TBC1D14: variants seen among roughly 807,000 people sequenced by gnomAD.
TBC1D14 encodes TBC1 domain family, member 14.
TBC1D14 carries 26 observed loss-of-function variants against 79.0 expected under a neutral mutation model. The observed-to-expected ratio is 0.33, with a 90% confidence interval of 0.24 to 0.46. The LOEUF is 0.46. Among genes scored for constraint, TBC1D14 ranks in the 20% least tolerant of loss-of-function variants. The pLI is 1.00. For missense variants in TBC1D14, 769 were observed against 887.6 expected (o/e 0.87, Z 1.70); for synonymous variants, 394 against 349.9 (o/e 1.13, Z -1.40).
At chr4:7,005,463 A>G (rs1431241393) in intron 8 of TBC1D14, among the ~76,000 whole-genome samples, 1 of 152,212 alleles carries the variant, frequency 6.6e-6, no homozygotes, top group African/African-American at 2.4e-5. Context: ...TGAACCCGGG[A>G]GGTGGAGGTT....
intron 11 of TBC1D14, among the ~76,000 whole-genome samples, chr4:7,012,142 A>G (rs1266095235): frequency 6.6e-6 from 1 of 152,002 alleles, no homozygotes; most frequent in Non-Finnish European, 1.5e-5. Context: ...TCTACTAAAA[A>G]TACAAAATAA....
chr4:6,996,204 T>TA (rs1719027845), intron 4 of TBC1D14, 121 bp from the exon 5 acceptor site: 3 of 752,238 alleles, frequency 4.0e-6, no homozygotes, highest in Middle Eastern at 2.4e-4. Flanking sequence ...TGTGTAATCT[T>TA]AAAAAAATGA....
intron 3 of TBC1D14, among the ~76,000 whole-genome samples, chr4:6,970,264 G>T (rs1716105560): frequency 6.6e-6 from 1 of 152,206 alleles, no homozygotes; most frequent in South Asian, 2.1e-4. Context: ...ACCAGGGTTT[G>T]TATCCCAGCT....
At chr4:6,983,922 G>A (rs1489620746) in intron 3 of TBC1D14, among the ~76,000 whole-genome samples, 2 of 152,222 alleles carry the variant, frequency 1.3e-5, no homozygotes, top group African/African-American at 2.4e-5. Flanking sequence ...ATAAGTTTCC[G>A]TTAGTTGGAG....
intron 3 of TBC1D14, among the ~76,000 whole-genome samples, chr4:6,968,341 G>A (rs1715888674): frequency 1.3e-5 from 2 of 152,190 alleles, no homozygotes; most frequent in Admixed American, 1.3e-4. Flanking sequence ...GGTTAAAGGT[G>A]TGACAGGAAA....
chr4:6,919,697 T>C (rs10937764), intron 1 of TBC1D14, among the ~76,000 whole-genome samples: 132,922 of 152,028 alleles, frequency 0.87, 58,453 homozygotes, highest in East Asian at 0.96. Flanking sequence ...CTCGGCTCAC[T>C]GCAACCTCCG....
At chr4:6,980,625 C>CA (rs1300287269) in intron 3 of TBC1D14, among the ~76,000 whole-genome samples, 2 of 150,904 alleles carry the variant, frequency 1.3e-5, no homozygotes, top group Admixed American at 6.6e-5. Flanking sequence ...GCAAAACTGA[C>CA]AAAAAGAGAA....
chr4:6,947,586 C>T (rs947819805), intron 2 of TBC1D14, among the ~76,000 whole-genome samples: 14 of 148,588 alleles, frequency 9.4e-5, no homozygotes, highest in Admixed American at 4.8e-4. Flanking sequence ...CCCTTGAACC[C>T]GGGAGGCGGA....
intron 13 of TBC1D14, among the ~76,000 whole-genome samples, chr4:7,029,705 T>G (rs4689580): frequency 1 from 152,208 of 152,338 alleles, 76,039 homozygotes; most frequent in Middle Eastern, 1. Flanking sequence ...CACCTCTGTA[T>G]TCCCAGCTAC....
intron 2 of TBC1D14, among the ~76,000 whole-genome samples, chr4:6,925,672 G>T (rs574218848): frequency 6.6e-6 from 1 of 152,206 alleles, no homozygotes. Context: ...GTCTCAGAAT[G>T]CAGTAACTCA....
chr4:6,977,026 C>T (rs1220210759), intron 3 of TBC1D14, among the ~76,000 whole-genome samples: 2 of 140,910 alleles, frequency 1.4e-5, no homozygotes, highest in Admixed American at 7.2e-5. Flanking sequence ...AAAATCAGGG[C>T]GCTCCCTCCT....
chr4:7,001,023 G>A (rs1333722534), intron 6 of TBC1D14, 122 bp from the exon 7 acceptor site: 1 of 731,372 alleles, frequency 1.4e-6, no homozygotes, highest in African/African-American at 1.8e-5. Flanking sequence ...GCTTCCTGAG[G>A]GCAGGGGCTG....
At chr4:6,954,206 C>T (rs962015408) in intron 2 of TBC1D14, 1 of 703,010 alleles carries the variant, frequency 1.4e-6, no homozygotes, top group Admixed American at 2.0e-5. Flanking sequence ...CATGGAGTTT[C>T]CCCGGGACTG....
At chr4:7,028,905 A>G (rs2108758867) in intron 13 of TBC1D14, among the ~76,000 whole-genome samples, 1 of 151,658 alleles carries the variant, frequency 6.6e-6, no homozygotes, top group South Asian at 2.1e-4. Context: ...TGGTGCGATC[A>G]CAGCTCACTG....
chr4:6,966,168 C>T (rs188554821), intron 2 of TBC1D14, among the ~76,000 whole-genome samples: 36 of 152,306 alleles, frequency 2.4e-4, no homozygotes, highest in African/African-American at 7.2e-4. Flanking sequence ...CAGATTGAGT[C>T]AGTGGGAGCC....
intron 2 of TBC1D14, among the ~76,000 whole-genome samples, chr4:6,944,130 G>A (rs1018883542): frequency 2.6e-5 from 4 of 152,086 alleles, no homozygotes; most frequent in Non-Finnish European, 4.4e-5. Flanking sequence ...CTTCGGCGTC[G>A]TTCTATTTTT....
intron 2 of TBC1D14, among the ~76,000 whole-genome samples, chr4:6,942,229 T>C (rs2108978110): frequency 1.3e-5 from 2 of 152,362 alleles, no homozygotes; most frequent in Non-Finnish European, 2.9e-5. Context: ...GAATATTCAG[T>C]ACAAGTAACA....
chr4:6,956,279 G>A (rs1049520073), intron 2 of TBC1D14, among the ~76,000 whole-genome samples: 61 of 152,334 alleles, frequency 4.0e-4, no homozygotes, highest in South Asian at 2.1e-4. Context: ...GGAGTGTGGC[G>A]GAGTGGAGGG....
chr4:6,953,548 G>A (rs1439070208), intron 2 of TBC1D14, among the ~76,000 whole-genome samples: 1 of 131,812 alleles, frequency 7.6e-6, no homozygotes, highest in African/African-American at 2.7e-5. Context: ...GGAGAATGGC[G>A]TGAACCCCAG....
Sources: gnomAD v4.1 joint callset for allele counts (sites outside exome capture counted in the v4.1 genomes callset) on GRCh38, gnomAD v4.1.1 for gene constraint, MANE v1.5 for transcripts, NCBI Gene and HGNC (gene_info 2026-07-23, HGNC 2026-07-21) for gene names.